The following NEK10 variants were observed in gnomAD, a reference collection of about 807,000 sequenced individuals.
The protein encoded by NEK10 is NIMA related kinase 10, also known as serine/threonine-protein kinase Nek10.
Under a neutral mutation model 159.8 loss-of-function variants are expected in NEK10, and 122 were observed. The ratio of observed to expected loss-of-function variants is 0.76; its 90% CI spans 0.66 to 0.89. The LOEUF (loss-of-function observed/expected upper bound fraction) is 0.89. Ranked by LOEUF, NEK10 falls within the 40% of genes least tolerant of loss-of-function variation. NEK10 has a pLI of 0.00. For synonymous variants in NEK10, 466 were observed against 457.1 expected (o/e 1.02, Z -0.25); for missense variants, 1,342 against 1,323.1 (o/e 1.01, Z -0.22).
chr3:27,155,235 G>A (rs1419201916), intron 30 of NEK10, among the ~76,000 whole-genome samples: 1 of 152,102 alleles, frequency 6.6e-6, no homozygotes, highest in African/African-American at 2.4e-5. Context: ...TGGGCGTGGT[G>A]GCTCACACCT....
chr3:27,163,790 G>T (rs1180754360), intron 29 of NEK10, among the ~76,000 whole-genome samples: 1 of 152,174 alleles, frequency 6.6e-6, no homozygotes, highest in African/African-American at 2.4e-5. Flanking sequence ...CACATGATAG[G>T]TTATTTGTTA....
chr3:27,287,848 T>C (rs2042727558), intron 19 of NEK10, 105 bp from the exon 20 acceptor site: 1 of 1,179,510 alleles, frequency 8.5e-7, no homozygotes, highest in Non-Finnish European at 1.1e-6. Context: ...AAAGAAATTA[T>C]ATTTATTTAC....
intron 12 of NEK10, among the ~76,000 whole-genome samples, chr3:27,304,126 T>C (rs570931925): frequency 2.0e-5 from 3 of 152,320 alleles, no homozygotes; most frequent in African/African-American, 4.8e-5. Context: ...TGACTTAGAA[T>C]GTCACTGGAA....
At chr3:27,167,107 T>C (rs1229598629) in intron 29 of NEK10, among the ~76,000 whole-genome samples, 1 of 152,062 alleles carries the variant, frequency 6.6e-6, no homozygotes, top group African/African-American at 2.4e-5. Context: ...CCCTGTTGCC[T>C]TGGTGACAGA....
intron 23 of NEK10, among the ~76,000 whole-genome samples, chr3:27,229,311 T>C (rs1466178637): frequency 6.6e-6 from 1 of 152,102 alleles, no homozygotes; most frequent in South Asian, 2.1e-4. Context: ...TAATAAACTA[T>C]AAACATTAAA....
chr3:27,221,421 T>C (rs1365270450), intron 23 of NEK10, among the ~76,000 whole-genome samples: 4 of 152,216 alleles, frequency 2.6e-5, no homozygotes, highest in Admixed American at 1.3e-4. Context: ...TCATACCCAC[T>C]AGTGTGGCTA....
intron 31 of NEK10, among the ~76,000 whole-genome samples, chr3:27,136,694 C>CA (rs1943250174): frequency 6.6e-6 from 1 of 152,138 alleles, no homozygotes; most frequent in South Asian, 2.1e-4. Flanking sequence ...TTGATAAAAA[C>CA]AGAGGTCAAA....
chr3:27,155,761 C>G (rs149642940), intron 30 of NEK10, among the ~76,000 whole-genome samples: 1 of 151,818 alleles, frequency 6.6e-6, no homozygotes, highest in Non-Finnish European at 1.5e-5. Context: ...AAAATACCAC[C>G]ATCATTCTCA....
Position 27,107,706 on chromosome 3 carries a change from A to G in NEK10, c.*3566T>C, listed in dbSNP as rs1467332512. Among the ~76,000 whole-genome samples the G allele has an allele frequency of 6.6e-6, 1 of 152,166 alleles. No homozygotes were observed. The highest frequency in any genetic ancestry group is 1.5e-5 in the Non-Finnish European group (1 of 68,026). ...ATAGCTGTAACTCCAGGGTGCCAAG[A>G]AGCTGTTTCAGATAGATTTCTTTGC... On this transcript the variant is annotated 3_prime_UTR_variant, in exon 36 of 36. Coordinates refer to ENST00000691995, the MANE Select transcript of NEK10 (RefSeq NM_001394966.1).
intron 12 of NEK10, 26 bp from the exon 13 acceptor site, chr3:27,301,861 A>G (rs753716564): frequency 3.9e-6 from 6 of 1,532,638 alleles, no homozygotes; most frequent in Non-Finnish European, 5.3e-6. Flanking sequence ...TAATGCATAG[A>G]CCATTTATCA....
rs749050832 is a variant in NEK10 at position 27,284,630 on chromosome 3, C to T, written c.1986G>A (p.Met662Ile). ...CGGTTACTTTGTCCTTATCCCCCAACATAATGTTGTTTGGTGTCAGATCTC... is the reference window on the plus strand; with the variant it reads ...CGGTTACTTTGTCCTTATCCCCCAATATAATGTTGTTTGGTGTCAGATCTC... ...VHRDLTPNNI[M>I]LGDKDKVTVT... The change falls in exon 22 of 36, where the codon ATG becomes ATA. Residue 662 changes from methionine (M) to isoleucine (I), a missense_variant. By Grantham distance (10) the Met-to-Ile change is conservative. Coordinates refer to ENST00000691995, the MANE Select transcript of NEK10 (RefSeq NM_001394966.1). 1 of 1,601,762 alleles carries T rather than the reference C, an allele frequency of 6.2e-7. No individual in the cohort carries two copies. Among genetic ancestry groups the T allele is most frequent in the Non-Finnish European group, 8.6e-7 (1 of 1,168,786 alleles).
At chr3:27,346,020 C>A (rs2047526675) in intron 4 of NEK10, 66 bp downstream of exon 4, 8 of 1,510,578 alleles carry the variant, frequency 5.3e-6, no homozygotes, top group Non-Finnish European at 7.3e-6. Flanking sequence ...CTGGGATAAA[C>A]TTAAATAAAA....
intron 5 of NEK10, among the ~76,000 whole-genome samples, chr3:27,338,345 A>G (rs1425227762): frequency 1.3e-5 from 2 of 152,242 alleles, no homozygotes; most frequent in African/African-American, 4.8e-5. Flanking sequence ...ATTGATGGAC[A>G]TTTGGATTGG....
chr3:27,192,365 G>A (rs112823314), intron 25 of NEK10, 123 bp from the exon 26 acceptor site: 9,708 of 675,978 alleles, frequency 0.014, 107 homozygotes, highest in South Asian at 0.019. Context: ...AGATAACCTG[G>A]GATAAGATGG....
chr3:27,226,903 T>C (rs1360816541), intron 23 of NEK10, among the ~76,000 whole-genome samples: 1 of 152,198 alleles, frequency 6.6e-6, no homozygotes. Context: ...ATTACATATG[T>C]ATAGAATAAC....
At chr3:27,316,243 TG>T (rs1314952880) in intron 6 of NEK10, among the ~76,000 whole-genome samples, 2 of 152,116 alleles carry the variant, frequency 1.3e-5, no homozygotes, top group Non-Finnish European at 2.9e-5. Flanking sequence ...GCGTATCAAC[TG>T]GGAGCTCAGG....
intron 23 of NEK10, among the ~76,000 whole-genome samples, chr3:27,222,280 G>C (rs1435779881): frequency 6.6e-6 from 1 of 152,188 alleles, no homozygotes; most frequent in Non-Finnish European, 1.5e-5. Flanking sequence ...GGCTGAGACG[G>C]GAGAATTACT....
chr3:27,130,073 A>G (rs1302933419), intron 32 of NEK10, among the ~76,000 whole-genome samples: 2 of 152,286 alleles, frequency 1.3e-5, no homozygotes, highest in South Asian at 4.2e-4. Context: ...AGCTGCCTGT[A>G]GAGGAATGGA....
chr3:27,314,884 C>T lies in NEK10; in HGVS notation c.448-546G>A, dbSNP rs549610982. Among the ~76,000 whole-genome samples the T allele has an allele frequency of 2.6e-4, 39 of 152,282 alleles. No homozygotes were observed. In the South Asian group the frequency reaches 5.2e-3, roughly 20 times the overall value. On this transcript the variant is annotated intron_variant, in intron 6 of 35. Transcript: ENST00000691995. Reference sequence around the variant, plus strand: ...CAATCACACTCCGTTTCAACAAGATCTCCAGGTCATACGTACGTACAGTAC... The same window carrying T: ...CAATCACACTCCGTTTCAACAAGATTTCCAGGTCATACGTACGTACAGTAC...
Sources: allele counts gnomAD v4.1 joint callset (sites outside exome capture counted in the v4.1 genomes callset), GRCh38; gene constraint gnomAD v4.1.1; transcripts MANE v1.5; gene names NCBI Gene and HGNC (gene_info 2026-07-23, HGNC 2026-07-21).